The following THSD7A variants were observed in gnomAD, a reference collection of about 807,000 sequenced individuals.
The protein encoded by THSD7A is thrombospondin type-1 domain-containing protein 7A.
Under a neutral mutation model 231.3 loss-of-function variants are expected in THSD7A, and 96 were observed. That is an observed-to-expected ratio of 0.41 (90% CI 0.35 to 0.49). THSD7A has a LOEUF of 0.49. THSD7A is among the 20% of genes least tolerant of loss of function. The pLI is 0.05. For synonymous variants in THSD7A, 940 were observed against 743.3 expected (o/e 1.26, Z -4.30); for missense variants, 2,290 against 2,070.2 (o/e 1.11, Z -2.06).
At chr7:11,618,127 T>G (rs543672900) in intron 2 of THSD7A, among the ~76,000 whole-genome samples, 3 of 152,298 alleles carry the variant, frequency 2.0e-5, no homozygotes, top group African/African-American at 7.2e-5. Context: ...ATATGGACAC[T>G]TATATGTGGC....
chr7:11,726,996 T>G (rs1472954359), intron 1 of THSD7A, among the ~76,000 whole-genome samples: 2 of 151,894 alleles, frequency 1.3e-5, no homozygotes, highest in Non-Finnish European at 2.9e-5. Context: ...ACGTGATACA[T>G]GCACCACGAA....
At chr7:11,549,783 G>GC (rs60208823) in intron 4 of THSD7A, among the ~76,000 whole-genome samples, 46,875 of 151,702 alleles carry the variant, frequency 0.31, 7,433 homozygotes, top group Middle Eastern at 0.42. Context: ...AGTGTGGTTG[G>GC]GGGGAGCATC....
At chr7:11,593,117 T>G in intron 3 of THSD7A, 137 bp downstream of exon 3, 2 of 1,229,784 alleles carry the variant, frequency 1.6e-6, no homozygotes, top group South Asian at 1.7e-5. Context: ...GTAAAAAAAG[T>G]TTTTTTTAAG....
chr7:11,674,258 C>A (rs1783543000), intron 1 of THSD7A, among the ~76,000 whole-genome samples: 1 of 152,082 alleles, frequency 6.6e-6, no homozygotes, highest in East Asian at 1.9e-4. Flanking sequence ...CTCTCACGCC[C>A]TGCCTCCCCT....
chr7:11,633,995 G>T (rs943774797), intron 2 of THSD7A, among the ~76,000 whole-genome samples: 1 of 152,118 alleles, frequency 6.6e-6, no homozygotes, highest in African/African-American at 2.4e-5. Flanking sequence ...CTTTGGTGAT[G>T]TCATTGATTC....
chr7:11,609,411 C>T (rs1166822559), intron 2 of THSD7A, among the ~76,000 whole-genome samples: 1 of 151,962 alleles, frequency 6.6e-6, no homozygotes, highest in Non-Finnish European at 1.5e-5. Flanking sequence ...AATGAGACAC[C>T]CAGAACTGGG....
intron 11 of THSD7A, among the ~76,000 whole-genome samples, chr7:11,457,333 C>G (rs886382310): frequency 6.6e-6 from 1 of 151,712 alleles, no homozygotes; most frequent in Admixed American, 6.6e-5. Context: ...AGAATTTTCA[C>G]CAATATAACT....
At position 11,406,976 on chromosome 7, in the gene THSD7A, G is replaced by A. The variant is rs778864226; in HGVS notation, c.3996C>T (p.Ser1332=). 5.6e-6 allele frequency: 9 copies of A among 1,613,860 alleles called. No homozygotes were observed. The highest frequency in any genetic ancestry group is 7.6e-6 in the Non-Finnish European group (9 of 1,179,846). Residue 1332 remains serine, a synonymous_variant, in exon 21 of 28, where the codon TCC becomes TCT. Coordinates refer to ENST00000423059, the MANE Select transcript of THSD7A (RefSeq NM_015204.3). This position sits in a 1 kb window ranked among gnomAD's most constrained non-coding sequence, Gnocchi z 4.7. ...AACAAGGCTTCACTGGGCAGGGTTT[G>A]GACTGGTCCATCAGGGAAGGGCATG... ...GRPCPSLMDQ[S]KPCPVKPCYR...
intron 16 of THSD7A, among the ~76,000 whole-genome samples, chr7:11,421,436 CAT>C (rs1784139590): frequency 6.7e-6 from 1 of 149,820 alleles, no homozygotes; most frequent in African/African-American, 2.5e-5. Context: ...GCTCCCGAGC[CAT>C]GTCTCTCCTG....
chr7:11,722,068 A>G (rs1781374589), intron 1 of THSD7A, among the ~76,000 whole-genome samples: 1 of 151,932 alleles, frequency 6.6e-6, no homozygotes, highest in Admixed American at 6.6e-5. Context: ...TAATAACAAG[A>G]GGACTCTAGC....
chr7:11,713,485 G>C (rs1002172926), intron 1 of THSD7A, among the ~76,000 whole-genome samples: 1 of 151,108 alleles, frequency 6.6e-6, no homozygotes, highest in Non-Finnish European at 1.5e-5. Context: ...ATTTACTGTC[G>C]TCTTGCCCTT....
intron 11 of THSD7A, among the ~76,000 whole-genome samples, chr7:11,449,313 G>T (rs561571575): frequency 1.3e-3 from 205 of 152,152 alleles, no homozygotes; most frequent in African/African-American, 4.6e-3. Flanking sequence ...GACCCAAAAA[G>T]AGTTCCATAA....
rs1437248106 is a variant in THSD7A at position 11,392,938 on chromosome 7, G to A, written c.4411+8857C>T. Among the ~76,000 whole-genome samples, 3 of 152,214 alleles carry A rather than the reference G, an allele frequency of 2.0e-5. No individual in the cohort carries two copies. In the East Asian group the frequency reaches 5.8e-4, roughly 29 times the overall value. On this transcript the variant is annotated intron_variant, in intron 23 of 27. Coordinates refer to ENST00000423059, the MANE Select transcript of THSD7A (RefSeq NM_015204.3). ...CCTGGGATAGGATAGAGCACCTGGG[G>A]GAAGGGGCAGCTGTGGGTGCAGCTT...
intron 1 of THSD7A, among the ~76,000 whole-genome samples, chr7:11,689,015 G>GA (rs907425180): frequency 2.0e-5 from 3 of 151,730 alleles, no homozygotes; most frequent in African/African-American, 4.8e-5. Context: ...TCTCAAATGG[G>GA]AAAAAAACAT....
intron 1 of THSD7A, among the ~76,000 whole-genome samples, chr7:11,812,521 A>T (rs1369669906): frequency 6.6e-6 from 1 of 152,182 alleles, no homozygotes; most frequent in African/African-American, 2.4e-5. Context: ...AAAATGGTAA[A>T]ATCTCAAGAA....
chr7:11,772,130 G>A (rs144738994), intron 1 of THSD7A, among the ~76,000 whole-genome samples: 61 of 152,020 alleles, frequency 4.0e-4, no homozygotes, highest in South Asian at 2.1e-4. Flanking sequence ...TACTCTAATC[G>A]TTAGAGAAAT....
chr7:11,396,366 A>T (rs1456698339), intron 23 of THSD7A, among the ~76,000 whole-genome samples: 1 of 152,210 alleles, frequency 6.6e-6, no homozygotes, highest in Non-Finnish European at 1.5e-5. Context: ...GAAAAGATCA[A>T]CAATTTAGAT....
intron 1 of THSD7A, among the ~76,000 whole-genome samples, chr7:11,811,263 C>T (rs1784521855): frequency 1.3e-5 from 2 of 152,208 alleles, no homozygotes; most frequent in Middle Eastern, 3.4e-3. Context: ...ATGCACTGTA[C>T]ACAAGTTATG....
At chr7:11,420,584 A>C (rs761973624) in intron 16 of THSD7A, among the ~76,000 whole-genome samples, 9 of 152,196 alleles carry the variant, frequency 5.9e-5, no homozygotes, top group Non-Finnish European at 1.3e-4. Context: ...GTACTAGGGC[A>C]GTGTGAAGCA....
Sources: gnomAD v4.1 joint callset for allele counts (sites outside exome capture counted in the v4.1 genomes callset) on GRCh38, gnomAD v4.1.1 for gene constraint, Gnocchi (gnomAD v3.1) non-coding constraint, MANE v1.5 for transcripts, NCBI Gene and HGNC (gene_info 2026-07-23, HGNC 2026-07-21) for gene names.